USP35: variants seen among roughly 807,000 people sequenced by gnomAD.
USP35 encodes the protein ubiquitin specific peptidase 35.
A neutral mutation model predicts 83.8 loss-of-function variants in USP35; 69 were observed. The ratio of observed to expected loss-of-function variants is 0.82; its 90% CI spans 0.68 to 1.01. The LOEUF (loss-of-function observed/expected upper bound fraction) is 1.01. USP35 is among the 50% of genes least tolerant of loss of function. The pLI, the probability that USP35 is intolerant of heterozygous loss-of-function variation, is 0.00. For synonymous variants in USP35, 714 were observed against 589.5 expected (o/e 1.21, Z -3.06); for missense variants, 1,503 against 1,362.5 (o/e 1.10, Z -1.62).
At chr11:78,208,801 C>G (rs1863616229) in intron 8 of USP35, 56 bp from the exon 9 acceptor site, 3 of 1,588,988 alleles carry the variant, frequency 1.9e-6, no homozygotes, top group African/African-American at 2.7e-5. Context: ...CTGTGCAGAG[C>G]TGGCTGGTGA....
chr11:78,204,305 T>C (rs1863467698), intron 6 of USP35, among the ~76,000 whole-genome samples: 1 of 152,270 alleles, frequency 6.6e-6, no homozygotes, highest in East Asian at 1.9e-4. Context: ...TTACTGCTTA[T>C]AAAATTATTT....
At chr11:78,224,020 T>C in the USP35 span, among the ~76,000 whole-genome samples, 1 of 152,070 alleles carries the variant, frequency 6.6e-6, no homozygotes, top group East Asian at 1.9e-4. Context: ...AGGCCAAGGT[T>C]GTAGTGAGCC....
Position 78,199,551 on chromosome 11 carries a change from T to C in USP35, c.807-44T>C, listed in dbSNP as rs201884997. The C allele has an allele frequency of 1.2e-5, 19 of 1,612,886 alleles. No homozygotes were observed. In the East Asian group the frequency reaches 4.2e-4, roughly 36 times the overall value. On this transcript the variant is annotated intron_variant, in intron 3 of 10. Transcript: ENST00000529308. ...CCTGGGCTGCCCTCACCCCAGCATTTTGGGTGTCCCTTGTCCCTGTGTCAC... is the reference window on the plus strand; with the variant it reads ...CCTGGGCTGCCCTCACCCCAGCATTCTGGGTGTCCCTTGTCCCTGTGTCAC...
chr11:78,212,606 C>T (rs1220551038), intron 10 of USP35, among the ~76,000 whole-genome samples: 1 of 152,166 alleles, frequency 6.6e-6, no homozygotes, highest in Non-Finnish European at 1.5e-5. Context: ...CTCTCCTTCA[C>T]TTCCCTTGTT....
downstream of USP35, chr11:78,219,535 T>C (rs2134449923): frequency 1.1e-6 from 1 of 876,100 alleles, no homozygotes. Flanking sequence ...GGCCTCTGCC[T>C]GCCACTGACC....
chr11:78,217,054 CCCT>C (rs911480352), downstream of USP35: 3 of 152,604 alleles, frequency 2.0e-5, no homozygotes, highest in Admixed American at 6.5e-5. Flanking sequence ...CCAAGCCCTG[CCCT>C]CCTCCTCTGT....
the USP35 span, chr11:78,223,335 T>C: frequency 8.0e-7 from 1 of 1,242,332 alleles, no homozygotes; most frequent in South Asian, 1.8e-5. Flanking sequence ...AAGTCCAGGA[T>C]CCACATGACC....
intron 2 of USP35, 128 bp from the exon 3 acceptor site, chr11:78,197,808 A>C (rs1288071718): frequency 7.6e-7 from 1 of 1,321,804 alleles, no homozygotes; most frequent in Non-Finnish European, 1.0e-6. Flanking sequence ...GCTATAGGAG[A>C]GGAGGTGGCC....
Position 78,200,633 on chromosome 11 carries a change from C to G in USP35, c.1039-17C>G. 1 of 1,597,676 alleles carries G rather than the reference C, an allele frequency of 6.3e-7. No homozygotes were observed. The highest frequency in any genetic ancestry group is 1.3e-5 in the African/African-American group (1 of 74,592). On this transcript the variant is annotated splice_polypyrimidine_tract_variant and intron_variant, in intron 5 of 10. Transcript: ENST00000529308. ...GGGCGGGTTGGTGCTGAGCCTGACGCAGCTCTGCTCCCACAGCTCCTCCCT... is the reference window on the plus strand; with the variant it reads ...GGGCGGGTTGGTGCTGAGCCTGACGGAGCTCTGCTCCCACAGCTCCTCCCT...
downstream of USP35, chr11:78,217,143 C>G (rs907248195): frequency 1.1e-4 from 16 of 147,666 alleles, no homozygotes. Context: ...CCTGATCCCC[C>G]ACTCCTGCCT....
chr11:78,194,760 C>A (rs1863093908), intron 1 of USP35, among the ~76,000 whole-genome samples: 1 of 152,218 alleles, frequency 6.6e-6, no homozygotes, highest in Admixed American at 6.5e-5. Context: ...ATTTGCTCAT[C>A]CAGCAAATGC....
chr11:78,216,754 C>G (rs1472018934), downstream of USP35: 1 of 152,288 alleles, frequency 6.6e-6, no homozygotes, highest in East Asian at 1.9e-4. Flanking sequence ...CTGCAATAGT[C>G]TGGGCCCACT....
At chr11:78,223,647 G>A in the USP35 span, 2 of 1,608,690 alleles carry the variant, frequency 1.2e-6, no homozygotes, top group Non-Finnish European at 1.7e-6. Context: ...AATTGGTGCT[G>A]TCCGATCGGC....
At chr11:78,206,132 G>A in intron 7 of USP35, 97 bp downstream of exon 7, 1 of 1,420,570 alleles carries the variant, frequency 7.0e-7, no homozygotes, top group East Asian at 2.3e-5. Context: ...GGTTGGAGAG[G>A]GTGGGCCTTG....
chr11:78,213,025 T>C (rs1863855129), intron 10 of USP35, among the ~76,000 whole-genome samples: 1 of 152,114 alleles, frequency 6.6e-6, no homozygotes, highest in South Asian at 2.1e-4. Context: ...ACCAGTGGGA[T>C]GGGTGCCAGT....
At chr11:78,224,187 T>C in the USP35 span, among the ~76,000 whole-genome samples, 2 of 152,230 alleles carry the variant, frequency 1.3e-5, no homozygotes, top group Admixed American at 1.3e-4. Flanking sequence ...CTAATAATTT[T>C]TGATAAATCT....
In USP35 at chr11:78,196,754, G is replaced by A. The variant is rs574528629; in HGVS notation, c.509G>A (p.Arg170His). 1.3e-6 allele frequency: 2 copies of A among 1,532,302 alleles called. No homozygotes were observed. The highest frequency in any genetic ancestry group is 1.4e-5 in the African/African-American group (1 of 72,844). 94.9% of individuals were successfully genotyped at this position (1,532,302 alleles called of 1,614,324 possible). A position where few individuals can be genotyped will look rare whatever the true frequency, so the allele number is the denominator to read the frequency against. Residue 170 changes from arginine to histidine, a missense_variant, in exon 2 of 11, where the codon CGT (arginine) becomes CAT (histidine). By Grantham distance (29) the Arg-to-His change is conservative. Coordinates refer to ENST00000529308, the MANE Select transcript of USP35 (RefSeq NM_020798.4). The surrounding 1 kb of genome is among the most constrained non-coding windows in gnomAD (Gnocchi z 4.8). ...CTGCTCTTCTGCCAGCAGCTGGTGC[G>A]TTGCCTCGGCCGCTTCCGCTGCCCA... is the stretch of plus-strand genomic sequence containing the variant. ...HRLLFCQQLV[R>H]CLGRFRCPAE...
chr11:78,236,653 G>T, the USP35 span, among the ~76,000 whole-genome samples: 2 of 152,102 alleles, frequency 1.3e-5, no homozygotes, highest in African/African-American at 4.8e-5. Flanking sequence ...TTCATAGTTT[G>T]CTAAGAAATA....
the USP35 span, among the ~76,000 whole-genome samples, chr11:78,232,419 G>T: frequency 6.9e-4 from 105 of 152,280 alleles, no homozygotes; most frequent in Admixed American, 2.4e-3. Flanking sequence ...TCTGGAATGA[G>T]GCCCCAAAGG....
Sources: gnomAD v4.1 joint callset for allele counts (sites outside exome capture counted in the v4.1 genomes callset) on GRCh38, gnomAD v4.1.1 for gene constraint, Gnocchi (gnomAD v3.1) non-coding constraint, MANE v1.5 for transcripts, NCBI Gene and HGNC (gene_info 2026-07-23, HGNC 2026-07-21) for gene names.